NRXN3: variants seen among roughly 807,000 people sequenced by gnomAD.
NRXN3 encodes the protein neurexin 3.
Under a neutral mutation model 137.6 loss-of-function variants are expected in NRXN3, and 32 were observed. The ratio of observed to expected loss-of-function variants is 0.23; its 90% CI spans 0.18 to 0.31. NRXN3 has a LOEUF of 0.31. NRXN3 is among the 10% of genes least tolerant of loss of function. The pLI is 1.00. For missense variants in NRXN3, 1,574 were observed against 2,062.5 expected (o/e 0.76, Z 4.59); for synonymous variants, 798 against 784.5 (o/e 1.02, Z -0.29).
At chr14:79,173,999 G>T (rs1227855095) in intron 15 of NRXN3, among the ~76,000 whole-genome samples, 3 of 152,178 alleles carry the variant, frequency 2.0e-5, no homozygotes, top group Non-Finnish European at 4.4e-5. Context: ...CCATAAATGT[G>T]TCTATCCCAG....
chr14:79,233,244 G>A (rs530264311), intron 15 of NRXN3, among the ~76,000 whole-genome samples: 2 of 152,146 alleles, frequency 1.3e-5, no homozygotes, highest in Non-Finnish European at 2.9e-5. Flanking sequence ...AATCTAGATG[G>A]AATTCTTTCA....
At chr14:78,999,253 A>G (rs1404620058) in intron 15 of NRXN3, among the ~76,000 whole-genome samples, 4 of 152,150 alleles carry the variant, frequency 2.6e-5, no homozygotes, top group Admixed American at 2.6e-4. Flanking sequence ...GGTACCTTTG[A>G]TTTAACTGAG....
At chr14:78,788,967 T>C (rs1355461874) in intron 8 of NRXN3, among the ~76,000 whole-genome samples, 1 of 152,198 alleles carries the variant, frequency 6.6e-6, no homozygotes, top group Admixed American at 6.5e-5. Flanking sequence ...CTGACCCATA[T>C]GTGTAATCAC....
At chr14:79,225,956 A>T (rs780267818) in intron 15 of NRXN3, among the ~76,000 whole-genome samples, 8 of 151,974 alleles carry the variant, frequency 5.3e-5, no homozygotes, top group Non-Finnish European at 1.2e-4. Flanking sequence ...TTAAAGACTC[A>T]TGTGATTAGA....
intron 4 of NRXN3, among the ~76,000 whole-genome samples, chr14:78,330,788 C>A (rs1357132016): frequency 1.3e-5 from 2 of 152,034 alleles, no homozygotes; most frequent in Non-Finnish European, 2.9e-5. Context: ...TAATTAAAAT[C>A]TTTGTAATTA....
intron 15 of NRXN3, among the ~76,000 whole-genome samples, chr14:79,054,245 C>G (rs1282421575): frequency 1.3e-5 from 2 of 151,742 alleles, no homozygotes; most frequent in Non-Finnish European, 2.9e-5. Flanking sequence ...CACCAACATG[C>G]CACATGTATA....
chr14:78,760,758 A>C (rs2098689649), intron 8 of NRXN3, among the ~76,000 whole-genome samples: 1 of 152,032 alleles, frequency 6.6e-6, no homozygotes, highest in African/African-American at 2.4e-5. Flanking sequence ...AGTGGATTGC[A>C]CTCTAGCAAA....
chr14:78,728,268 A>T (rs1431768582), intron 8 of NRXN3, among the ~76,000 whole-genome samples: 1 of 152,182 alleles, frequency 6.6e-6, no homozygotes, highest in South Asian at 2.1e-4. Context: ...CCCTTTATTT[A>T]TTGCAAATAA....
chr14:78,980,713 A>G (rs1324987717), intron 14 of NRXN3, among the ~76,000 whole-genome samples: 2 of 152,186 alleles, frequency 1.3e-5, no homozygotes, highest in African/African-American at 4.8e-5. Flanking sequence ...TAAAATGATA[A>G]GGGAATGAGA....
intron 14 of NRXN3, among the ~76,000 whole-genome samples, chr14:78,975,312 G>A (rs1292439341): frequency 6.6e-6 from 1 of 152,124 alleles, no homozygotes; most frequent in East Asian, 1.9e-4. Context: ...GACAGAGTTT[G>A]AGCTGAGTCT....
intron 4 of NRXN3, among the ~76,000 whole-genome samples, chr14:78,371,519 CAAA>C (rs2086826673): frequency 6.6e-6 from 1 of 152,144 alleles, no homozygotes; most frequent in Non-Finnish European, 1.5e-5. Flanking sequence ...TGTGGGAACC[CAAA>C]AAGGCTGTCA....
At chr14:79,684,803 A>G (rs752660567) in intron 17 of NRXN3, among the ~76,000 whole-genome samples, 30 of 152,164 alleles carry the variant, frequency 2.0e-4, no homozygotes, top group Non-Finnish European at 2.9e-5. Flanking sequence ...ACATGAGAGG[A>G]ATGAGAGGAG....
At chr14:78,724,963 C>T (rs1480387402) in intron 8 of NRXN3, among the ~76,000 whole-genome samples, 1 of 152,194 alleles carries the variant, frequency 6.6e-6, no homozygotes, top group Non-Finnish European at 1.5e-5. Context: ...TACTGGACAG[C>T]TATTTTTCTG....
At chr14:79,456,396 G>A (rs2096257030) in intron 15 of NRXN3, among the ~76,000 whole-genome samples, 1 of 152,132 alleles carries the variant, frequency 6.6e-6, no homozygotes, top group Admixed American at 6.5e-5. Flanking sequence ...ATTTGAACTA[G>A]CTTAGACTAC....
At chr14:79,199,908 A>C (rs187277028) in intron 15 of NRXN3, 2 of 152,126 alleles carry the variant, frequency 1.3e-5, no homozygotes, top group African/African-American at 4.8e-5. Flanking sequence ...CTGAGATAGA[A>C]CCTTGGGTTC....
At position 78,895,271 on chromosome 14, in the gene NRXN3, G is replaced by A. The variant is rs193107241; in HGVS notation, c.2276-61971G>A. ...ATCAATTATCTTAGCTGGATGTAAC[G>A]GATAACTTGCTGCAGCGTCTACATA... is the stretch of plus-strand genomic sequence containing the variant. On this transcript the variant is annotated intron_variant, in intron 10 of 20. Transcript: ENST00000335750. 2.1e-3 allele frequency among the ~76,000 whole-genome samples: 324 copies of A among 151,932 alleles called. 1 individual carries two copies. Among genetic ancestry groups the A allele is most frequent in the Admixed American group, 3.0e-3 (46 of 15,240 alleles).
chr14:78,289,943 A>T (rs2075630134), intron 3 of NRXN3, among the ~76,000 whole-genome samples: 1 of 152,136 alleles, frequency 6.6e-6, no homozygotes, highest in African/African-American at 2.4e-5. Context: ...AAAACTGCTC[A>T]ATGGTAGCTC....
chr14:79,280,171 C>T lies in NRXN3; in HGVS notation c.3263-187050C>T, dbSNP rs552290869. On this transcript the variant is annotated intron_variant, in intron 15 of 20. Coordinates refer to ENST00000335750, the MANE Select transcript of NRXN3 (RefSeq NM_001330195.2). ...TTTGGAAAGCGCATATTGCTTCCCTCTTCCCCGAATTCTGGCAACTCTTCC... is the reference window on the plus strand; with the variant it reads ...TTTGGAAAGCGCATATTGCTTCCCTTTTCCCCGAATTCTGGCAACTCTTCC... The T allele has an allele frequency of 1.0e-4, 151 of 1,515,030 alleles. 1 individual carries two copies. The African/African-American group carries it at 1.5e-3, about 16-fold the overall frequency. The allele number at this position is 1,515,030 out of a possible 1,614,324, so 93.8% of individuals were successfully genotyped here.
intron 15 of NRXN3, among the ~76,000 whole-genome samples, chr14:79,390,926 C>T (rs1256849392): frequency 6.6e-6 from 1 of 152,032 alleles, no homozygotes; most frequent in East Asian, 1.9e-4. Flanking sequence ...ACGAGAGTGG[C>T]TTGTTCTAAA....
Sources: allele counts gnomAD v4.1 joint callset (sites outside exome capture counted in the v4.1 genomes callset), GRCh38; gene constraint gnomAD v4.1.1; transcripts MANE v1.5; gene names NCBI Gene and HGNC (gene_info 2026-07-23, HGNC 2026-07-21).